The following FER variants were observed in gnomAD, a reference collection of about 807,000 sequenced individuals.
The protein encoded by FER is FER tyrosine kinase, also known as tyrosine-protein kinase Fer.
FER carries 63 observed loss-of-function variants against 111.0 expected under a neutral mutation model. The observed-to-expected ratio is 0.57, with a 90% CI of 0.46 to 0.70. The LOEUF (loss-of-function observed/expected upper bound fraction) is 0.70, where lower values mean the gene tolerates loss of function less well. Ranked by LOEUF, FER falls within the 30% of genes least tolerant of loss-of-function variation. The pLI is 0.00. For synonymous variants in FER, 327 were observed against 313.9 expected (o/e 1.04, Z -0.44); for missense variants, 914 against 954.0 (o/e 0.96, Z 0.55).
intron 17 of FER, among the ~76,000 whole-genome samples, chr5:109,180,241 T>G (rs1242879154): frequency 6.6e-6 from 1 of 152,168 alleles, no homozygotes; most frequent in Non-Finnish European, 1.5e-5. Flanking sequence ...TTCCAACCTT[T>G]GGGAAGCCCT....
At chr5:109,025,418 G>A (rs1480201389) in intron 13 of FER, among the ~76,000 whole-genome samples, 1 of 152,046 alleles carries the variant, frequency 6.6e-6, no homozygotes, top group East Asian at 1.9e-4. Flanking sequence ...TTGGCTCTCT[G>A]TTTGTCTGTT....
intron 17 of FER, among the ~76,000 whole-genome samples, chr5:109,174,077 T>G (rs1049349375): frequency 1.3e-5 from 2 of 152,216 alleles, no homozygotes; most frequent in African/African-American, 4.8e-5. Context: ...AATTTACAGC[T>G]GCAGGCTTCC....
At chr5:108,846,025 T>C (rs1352143042) in intron 5 of FER, among the ~76,000 whole-genome samples, 1 of 152,226 alleles carries the variant, frequency 6.6e-6, no homozygotes, top group East Asian at 1.9e-4. Context: ...TGTGATTTGC[T>C]AAGTTTTTGT....
At chr5:108,898,504 CTCTCCTT>C (rs1469256505) in intron 10 of FER, among the ~76,000 whole-genome samples, 1 of 146,088 alleles carries the variant, frequency 6.8e-6, no homozygotes, top group African/African-American at 2.5e-5. Flanking sequence ...TCCTCTTTCT[CTCTCCTT>C]TCTCCTTCTT....
In FER at chr5:109,087,434, T is replaced by C. The variant is rs188157157; in HGVS notation, c.1925-12962T>C. On this transcript the variant is annotated intron_variant, in intron 16 of 19. Coordinates refer to ENST00000281092, the MANE Select transcript of FER (RefSeq NM_005246.4). ...AATCTTCTAAATCTTTATTTCCCTT[T>C]GCTCTACTTATTCTATTAATTATTG... 2.2e-4 allele frequency among the ~76,000 whole-genome samples: 33 copies of C among 152,012 alleles called. No individual in the cohort carries two copies. The East Asian group carries it at 6.4e-3, about 29-fold the overall frequency.
chr5:109,032,457 T>C (rs1334817801), intron 13 of FER, among the ~76,000 whole-genome samples: 1 of 152,168 alleles, frequency 6.6e-6, no homozygotes, highest in Non-Finnish European at 1.5e-5. Context: ...TTCTGTTCCT[T>C]GTGCTTCTCA....
Position 108,955,057 on chromosome 5 carries a change from C to T in FER, c.1533+125C>T, listed in dbSNP as rs897728793. The T allele has an allele frequency of 1.2e-5, 9 of 720,570 alleles. No individual in the cohort carries two copies. In the Admixed American group the frequency reaches 2.7e-4, roughly 21 times the overall value. The allele number at this position is 720,570 out of a possible 1,614,324, so 44.6% of individuals were successfully genotyped here. A position where few individuals can be genotyped will look rare whatever the true frequency, so the allele number is the denominator to read the frequency against. ...TTGAAATTTAGCACTTAATTTTTTT[C>T]TGAATTTCTTAAATACAGTGCTTCA... On this transcript the variant is annotated intron_variant, in intron 12 of 19. Transcript: ENST00000281092.
chr5:108,852,440 A>G (rs1386645848), intron 5 of FER, among the ~76,000 whole-genome samples: 2 of 152,150 alleles, frequency 1.3e-5, no homozygotes, highest in East Asian at 3.8e-4. Flanking sequence ...GATTTCCTCA[A>G]TTTGAGGTCA....
chr5:108,868,155 G>A (rs1370026188), intron 6 of FER, among the ~76,000 whole-genome samples: 1 of 151,822 alleles, frequency 6.6e-6, no homozygotes, highest in East Asian at 1.9e-4. Context: ...TTCCAAAATG[G>A]TCCTTCTTTT....
chr5:108,976,592 A>C (rs905494982), intron 13 of FER, among the ~76,000 whole-genome samples: 1 of 152,158 alleles, frequency 6.6e-6, no homozygotes, highest in Admixed American at 6.5e-5. Context: ...CCCAGAAACA[A>C]CTACTAATAG....
At chr5:108,933,003 A>G (rs1754915153) in intron 10 of FER, among the ~76,000 whole-genome samples, 1 of 152,064 alleles carries the variant, frequency 6.6e-6, no homozygotes, top group African/African-American at 2.4e-5. Flanking sequence ...GCCCTTTGTC[A>G]GATGGATAGA....
At chr5:108,846,683 C>T (rs1039401521) in intron 5 of FER, among the ~76,000 whole-genome samples, 1 of 151,844 alleles carries the variant, frequency 6.6e-6, no homozygotes, top group African/African-American at 2.4e-5. Flanking sequence ...CCCGGGTTCA[C>T]GCCATTCTCC....
intron 17 of FER, among the ~76,000 whole-genome samples, chr5:109,105,638 A>T (rs1748824579): frequency 1.3e-5 from 2 of 152,168 alleles, no homozygotes; most frequent in Admixed American, 1.3e-4. Context: ...GGTCACCTAA[A>T]CAATTAGTGG....
intron 16 of FER, among the ~76,000 whole-genome samples, chr5:109,073,789 C>G (rs1324475239): frequency 2.6e-5 from 4 of 152,074 alleles, no homozygotes; most frequent in Non-Finnish European, 5.9e-5. Context: ...TGAAAAAAAT[C>G]CACATATAAG....
intron 2 of FER, among the ~76,000 whole-genome samples, chr5:108,795,951 C>G (rs932102251): frequency 6.6e-6 from 1 of 152,084 alleles, no homozygotes; most frequent in Non-Finnish European, 1.5e-5. Flanking sequence ...TCTGTACATT[C>G]GAGAGTTAGG....
Position 108,949,932 on chromosome 5 carries a change from G to A in FER, c.1329+3710G>A, listed in dbSNP as rs147423923. 5.0e-3 allele frequency among the ~76,000 whole-genome samples: 767 copies of A among 151,992 alleles called. 7 individuals are homozygous for A. Among genetic ancestry groups the A allele is most frequent in the Middle Eastern group, 0.01 (3 of 292 alleles). ...ATGAGTGAGAGTCACAGGCACAATCGTAAAAGTAACTGGGTAAAAATAATA... is the reference window on the plus strand; with the variant it reads ...ATGAGTGAGAGTCACAGGCACAATCATAAAAGTAACTGGGTAAAAATAATA... On this transcript the variant is annotated intron_variant, in intron 11 of 19. Transcript: ENST00000281092.
intron 10 of FER, among the ~76,000 whole-genome samples, chr5:108,928,862 T>A (rs1449540468): frequency 1.3e-5 from 2 of 152,082 alleles, no homozygotes; most frequent in Admixed American, 6.5e-5. Flanking sequence ...AGAAAATAAA[T>A]CAAAAGGATA....
chr5:108,966,366 T>C (rs187482438), intron 13 of FER, among the ~76,000 whole-genome samples: 1 of 151,678 alleles, frequency 6.6e-6, no homozygotes, highest in East Asian at 1.9e-4. Context: ...TTAAAGTATT[T>C]ATTATACTTC....
intron 1 of FER, among the ~76,000 whole-genome samples, chr5:108,760,538 GT>G (rs1751615603): frequency 6.6e-6 from 1 of 152,202 alleles, no homozygotes; most frequent in Non-Finnish European, 1.5e-5. Context: ...CTTGGCTAGA[GT>G]TTTGGATAAC....
Sources: allele counts gnomAD v4.1 joint callset (sites outside exome capture counted in the v4.1 genomes callset), GRCh38; gene constraint gnomAD v4.1.1; transcripts MANE v1.5; gene names NCBI Gene and HGNC (gene_info 2026-07-23, HGNC 2026-07-21).